Variants in GRID2 observed in about 807,000 individuals in gnomAD.
GRID2 encodes the protein glutamate ionotropic receptor delta type subunit 2, also known as glutamate receptor ionotropic, delta-2.
Under a neutral mutation model 114.8 loss-of-function variants are expected in GRID2, and 33 were observed. The observed-to-expected ratio is 0.29, with a 90% CI of 0.22 to 0.38. The LOEUF (loss-of-function observed/expected upper bound fraction) is 0.38. Ranked by LOEUF, GRID2 falls within the 10% of genes least tolerant of loss-of-function variation. The pLI, the probability that GRID2 is intolerant of heterozygous loss-of-function variation, is 1.00. For missense variants in GRID2, 1,184 were observed against 1,257.7 expected (o/e 0.94, Z 0.89); for synonymous variants, 505 against 449.9 (o/e 1.12, Z -1.55).
intron 8 of GRID2, among the ~76,000 whole-genome samples, chr4:93,278,179 T>C (rs749553018): frequency 2.0e-5 from 3 of 151,792 alleles, no homozygotes; most frequent in Non-Finnish European, 4.4e-5. Context: ...CAAGTTTCCA[T>C]AGTAGGTTAC....
intron 13 of GRID2, among the ~76,000 whole-genome samples, chr4:93,525,377 G>T (rs1041191999): frequency 6.6e-6 from 1 of 152,160 alleles, no homozygotes; most frequent in South Asian, 2.1e-4. Flanking sequence ...CCAGTTAGAA[G>T]AGAAGGTGCT....
rs570759726 is a variant in GRID2 at position 92,304,443 on chromosome 4, G to A, written c.-214G>A. On this transcript the variant is annotated 5_prime_UTR_variant, in exon 1 of 16. Transcript: ENST00000282020. Reference sequence around the variant, plus strand: ...GCCAAAATTCCCCTCCAAGTGACACGGCTTTGCGAAGGAGGTTTCCTCAGG... The same window carrying A: ...GCCAAAATTCCCCTCCAAGTGACACAGCTTTGCGAAGGAGGTTTCCTCAGG... The A allele has an allele frequency of 3.4e-6, 2 of 591,094 alleles. No individual in the cohort carries two copies. Among genetic ancestry groups the A allele is most frequent in the South Asian group, 2.1e-5 (1 of 48,572 alleles). 36.6% of individuals were successfully genotyped at this position (591,094 alleles called of 1,614,324 possible). A position where few individuals can be genotyped will look rare whatever the true frequency, so the allele number is the denominator to read the frequency against.
Position 93,805,815 on chromosome 4 carries a change from G to A in GRID2, c.222-900G>A, listed in dbSNP as rs1432980897. Among the ~76,000 whole-genome samples, 3 of 152,256 alleles carry A rather than the reference G, an allele frequency of 2.0e-5. No individual in the cohort carries two copies. In the East Asian group the frequency reaches 5.8e-4, roughly 29 times the overall value. ...GTTTCTTATTTAAGAGCATATATTC[G>A]GCCGAGTGTGGTGGCTCACGCCTGT... On this transcript the variant is annotated intron_variant, in intron 1 of 1. Coordinates refer to the GRID2 transcript ENST00000637838.
chr4:93,221,652 T>G lies in GRID2; in HGVS notation c.964-2962T>G, dbSNP rs115492074. Reference sequence around the variant, plus strand: ...AAAGGCCTTACAAATAAAATAAAATTACCAAAAGATCAGTTAATGATGACA... The same window carrying G: ...AAAGGCCTTACAAATAAAATAAAATGACCAAAAGATCAGTTAATGATGACA... On this transcript the variant is annotated intron_variant, in intron 6 of 15. Transcript: ENST00000282020. Among the ~76,000 whole-genome samples the G allele has an allele frequency of 8.9e-3, 1,348 of 152,202 alleles. 19 individuals carry two copies. Among genetic ancestry groups the G allele is most frequent in the African/African-American group, 0.031 (1,281 of 41,518 alleles).
chr4:92,885,589 G>T (rs1209295921), intron 2 of GRID2, among the ~76,000 whole-genome samples: 2 of 152,232 alleles, frequency 1.3e-5, no homozygotes, highest in East Asian at 1.9e-4. Context: ...CCTTGCTTTT[G>T]TCTGTGATGA....
At chr4:93,347,931 T>C (rs571822371) in intron 8 of GRID2, among the ~76,000 whole-genome samples, 149 of 152,260 alleles carry the variant, frequency 9.8e-4, no homozygotes, top group African/African-American at 3.2e-3. Flanking sequence ...TTTTCTAATA[T>C]CTGTGTCTCT....
In GRID2 at chr4:92,552,772, A is replaced by G. The variant is rs74836901; in HGVS notation, c.89-37359A>G. Among the ~76,000 whole-genome samples the G allele has an allele frequency of 9.1e-4, 139 of 152,256 alleles. 2 individuals carry two copies. The East Asian group carries it at 0.024, about 26-fold the overall frequency. On this transcript the variant is annotated intron_variant, in intron 1 of 15. Coordinates refer to ENST00000282020, the MANE Select transcript of GRID2 (RefSeq NM_001510.4). ...GAAGGCAAAGTTCAACATTATAACT[A>G]ATAAAAGTTGGATTGGATGACTTGG...
intron 3 of GRID2, among the ~76,000 whole-genome samples, chr4:93,092,612 G>A (rs889378019): frequency 2.0e-5 from 3 of 152,060 alleles, no homozygotes; most frequent in African/African-American, 7.2e-5. Context: ...CAATCTGTGT[G>A]TCTGTCTCAA....
At chr4:93,624,378 T>C (rs965840358) in intron 13 of GRID2, among the ~76,000 whole-genome samples, 7 of 152,160 alleles carry the variant, frequency 4.6e-5, no homozygotes, top group African/African-American at 9.6e-5. Flanking sequence ...ATAATGTTAA[T>C]TTTGGATTAC....
intron 1 of GRID2, among the ~76,000 whole-genome samples, chr4:92,438,962 G>C (rs541353928): frequency 6.6e-6 from 1 of 152,070 alleles, no homozygotes; most frequent in African/African-American, 2.4e-5. Flanking sequence ...TTTCATGCGC[G>C]TCCCTGTGAA....
At chr4:93,517,954 T>TATGTATGTATATACATACATGTAC (rs1291262618) in intron 13 of GRID2, among the ~76,000 whole-genome samples, 15 of 43,398 alleles carry the variant, frequency 3.5e-4, no homozygotes, top group Non-Finnish European at 6.8e-4. Flanking sequence ...CATACATGTA[T>TATGTATGTATATACATACATGTAC]ATGTATGTAT....
chr4:92,944,611 C>T (rs1034998222), intron 2 of GRID2, among the ~76,000 whole-genome samples: 2 of 152,214 alleles, frequency 1.3e-5, no homozygotes, highest in African/African-American at 4.8e-5. Context: ...AACCTGGTAT[C>T]TCAGTTGGAA....
intron 13 of GRID2, among the ~76,000 whole-genome samples, chr4:93,578,921 C>G (rs1736704580): frequency 6.6e-6 from 1 of 152,104 alleles, no homozygotes; most frequent in Non-Finnish European, 1.5e-5. Flanking sequence ...GTCAGACATT[C>G]TTCCATAATA....
At chr4:92,877,228 T>G (rs1745696079) in intron 2 of GRID2, among the ~76,000 whole-genome samples, 1 of 152,186 alleles carries the variant, frequency 6.6e-6, no homozygotes, top group African/African-American at 2.4e-5. Flanking sequence ...AGTCCAAGGT[T>G]AGTACACTGC....
chr4:92,470,287 A>T (rs1560652144), intron 1 of GRID2, among the ~76,000 whole-genome samples: 1 of 151,956 alleles, frequency 6.6e-6, no homozygotes, highest in African/African-American at 2.4e-5. Flanking sequence ...TCCAAAAAAA[A>T]TCATCATTAA....
At chr4:92,372,765 A>T (rs1560592349) in intron 1 of GRID2, among the ~76,000 whole-genome samples, 1 of 152,092 alleles carries the variant, frequency 6.6e-6, no homozygotes, top group Non-Finnish European at 1.5e-5. Context: ...CTATTTTTAT[A>T]TGATAGTTAC....
chr4:93,459,432 T>G (rs958148122), intron 11 of GRID2, among the ~76,000 whole-genome samples: 1 of 151,958 alleles, frequency 6.6e-6, no homozygotes, highest in African/African-American at 2.4e-5. Flanking sequence ...AACTGAGAGA[T>G]AAAGGGTTAG....
intron 14 of GRID2, among the ~76,000 whole-genome samples, chr4:93,628,953 A>G (rs1198129357): frequency 1.3e-5 from 2 of 151,750 alleles, no homozygotes; most frequent in Non-Finnish European, 2.9e-5. Context: ...TTTTAGTAGA[A>G]ATGGGGTTTT....
chr4:93,626,152 T>C (rs1742710905), intron 13 of GRID2, 117 bp from the exon 14 acceptor site: 3 of 597,038 alleles, frequency 5.0e-6, no homozygotes, highest in Non-Finnish European at 8.8e-6. Flanking sequence ...GATTATATGT[T>C]CTATTATTTT....
Sources: gnomAD v4.1 joint callset for allele counts (sites outside exome capture counted in the v4.1 genomes callset) on GRCh38, gnomAD v4.1.1 for gene constraint, MANE v1.5 for transcripts, NCBI Gene and HGNC (gene_info 2026-07-23, HGNC 2026-07-21) for gene names.